Variants in FAM47E observed in about 807,000 individuals in gnomAD.
FAM47E encodes the protein family with sequence similarity 47 member E, also known as protein FAM47E.
FAM47E carries 32 observed loss-of-function variants against 41.6 expected under a neutral mutation model. That is an observed-to-expected ratio of 0.77 (90% CI 0.58 to 1.03). The LOEUF is 1.03. Ranked by LOEUF, FAM47E falls within the 50% of genes least tolerant of loss-of-function variation. FAM47E has a pLI of 0.00. For synonymous variants in FAM47E, 184 were observed against 188.7 expected (o/e 0.98, Z 0.20); for missense variants, 424 against 485.4 (o/e 0.87, Z 1.19).
intron 2 of FAM47E, 106 bp downstream of exon 2, chr4:76,256,629 G>A: frequency 1.5e-6 from 2 of 1,332,280 alleles, no homozygotes; most frequent in South Asian, 3.1e-5. Flanking sequence ...TTTATAAGAG[G>A]AGTGATGAAT....
At chr4:76,268,910 C>A in intron 4 of FAM47E, 142 bp downstream of exon 4, 2 of 1,028,026 alleles carry the variant, frequency 1.9e-6, no homozygotes, top group South Asian at 1.8e-5. Flanking sequence ...GTCAAATCCT[C>A]AAAGTCGTAA....
At chr4:76,244,875 C>T (rs1733791867) in intron 2 of FAM47E, among the ~76,000 whole-genome samples, 1 of 152,088 alleles carries the variant, frequency 6.6e-6, no homozygotes, top group Non-Finnish European at 1.5e-5. Context: ...TCTCAGAATT[C>T]TTATAAGAGG....
intron 1 of FAM47E, 79 bp from the exon 2 acceptor site, chr4:76,256,099 T>A: frequency 6.9e-7 from 1 of 1,456,646 alleles, no homozygotes; most frequent in South Asian, 1.4e-5. Context: ...TACTACCTCC[T>A]TCTCCCACCC....
At chr4:76,273,119 T>TTGATA (rs1480573161) in intron 5 of FAM47E, among the ~76,000 whole-genome samples, 3 of 152,188 alleles carry the variant, frequency 2.0e-5, no homozygotes, top group Non-Finnish European at 4.4e-5. Flanking sequence ...ACTGCGTTTT[T>TTGATA]TGATATGATA....
At chr4:76,280,388 C>T in intron 7 of FAM47E, 47 bp downstream of exon 7, 1 of 1,115,406 alleles carries the variant, frequency 9.0e-7, no homozygotes, top group Non-Finnish European at 1.3e-6. Flanking sequence ...GGCTTCATGG[C>T]TCACAGTTGT....
intron 2 of FAM47E, among the ~76,000 whole-genome samples, chr4:76,245,472 A>G (rs1225986062): frequency 6.6e-6 from 1 of 152,138 alleles, no homozygotes; most frequent in African/African-American, 2.4e-5. Context: ...AGATGCCTCT[A>G]TAAATAGGAG....
chr4:76,265,997 C>G (rs556593696), intron 3 of FAM47E, among the ~76,000 whole-genome samples: 1 of 152,256 alleles, frequency 6.6e-6, no homozygotes, highest in Non-Finnish European at 1.5e-5. Context: ...CACCACTCCA[C>G]TGACCTGACC....
chr4:76,283,461 G>T lies in FAM47E; in HGVS notation c.*3G>T. 6.6e-7 allele frequency: 1 copy of T among 1,514,528 alleles called. No homozygotes were observed. The highest frequency in any genetic ancestry group is 9.0e-7 in the Non-Finnish European group (1 of 1,113,750). The allele number at this position is 1,514,528 out of a possible 1,614,324, so 93.8% of individuals were successfully genotyped here. ...CTATAAAACGAACTCAAGCATAGAA[G>T]AATCGTAGGAGAATGATTAGGCAGA... On this transcript the variant is annotated 3_prime_UTR_variant, in exon 8 of 8. Transcript: ENST00000424749.
Position 76,220,876 on chromosome 4 carries a change from A to C in FAM47E, c.81+3188A>C, listed in dbSNP as rs72858504. 3.9e-3 allele frequency among the ~76,000 whole-genome samples: 588 copies of C among 152,284 alleles called. 6 individuals are homozygous for C. The highest frequency in any genetic ancestry group is 0.014 in the African/African-American group (565 of 41,554). On this transcript the variant is annotated intron_variant, in intron 2 of 7. Transcript: ENST00000510197. ...TGTACAAGAATGCTTCCAGGTGCTCACCTGGGATCAGCTGGGACCACAGGG... is the reference window on the plus strand; with the variant it reads ...TGTACAAGAATGCTTCCAGGTGCTCCCCTGGGATCAGCTGGGACCACAGGG...
At chr4:76,244,280 T>C in intron 2 of FAM47E, among the ~76,000 whole-genome samples, 1 of 152,150 alleles carries the variant, frequency 6.6e-6, no homozygotes, top group East Asian at 1.9e-4. Flanking sequence ...CTGGGTCAAA[T>C]GGTATTTCTA....
At chr4:76,277,329 CA>C (rs1175852559) in intron 5 of FAM47E, among the ~76,000 whole-genome samples, 2 of 151,526 alleles carry the variant, frequency 1.3e-5, no homozygotes, top group African/African-American at 4.8e-5. Context: ...CTAAAAAATA[CA>C]AAAAAATTAG....
intron 2 of FAM47E, among the ~76,000 whole-genome samples, chr4:76,240,651 T>C (rs1213076428): frequency 2.6e-5 from 4 of 152,184 alleles, no homozygotes; most frequent in African/African-American, 9.6e-5. Flanking sequence ...TTCTTGTGCT[T>C]GCTCAAATCT....
chr4:76,271,540 CA>C (rs983775701), intron 4 of FAM47E, 27 bp from the exon 5 acceptor site: 2 of 1,550,492 alleles, frequency 1.3e-6, no homozygotes, highest in Admixed American at 3.9e-5. Context: ...CGATTGCCCT[CA>C]ATTCATGCAA....
Position 76,283,417 on chromosome 4 carries a change from C to A in FAM47E, c.1141C>A (p.Arg381Ser). ...ENMYIGKECK[R>S]ACNKTPIKRT... ...TATGTATATCGGGAAGGAATGTAAA[C>A]GTGCATGTAATAAGACTCCTATAAA... The change falls in exon 8 of 8, where the codon CGT becomes AGT. Residue 381 changes from arginine to serine, a missense_variant. Arg to Ser is a moderately radical substitution (Grantham distance 110). Transcript: ENST00000424749. 2 of 1,547,172 alleles carry A rather than the reference C, an allele frequency of 1.3e-6. No homozygotes were observed. Among genetic ancestry groups the A allele is most frequent in the South Asian group, 1.2e-5 (1 of 83,974 alleles).
chr4:76,253,572 G>T (rs1039415628), intron 1 of FAM47E, among the ~76,000 whole-genome samples: 4 of 152,196 alleles, frequency 2.6e-5, no homozygotes, highest in East Asian at 3.9e-4. Context: ...GAGGCCATGT[G>T]GGGGAGAGGA....
intron 1 of FAM47E, among the ~76,000 whole-genome samples, chr4:76,217,217 C>T (rs1349009194): frequency 6.6e-6 from 1 of 152,202 alleles, no homozygotes; most frequent in Non-Finnish European, 1.5e-5. Context: ...ACCCTGAACA[C>T]ACTCTGGAGG....
chr4:76,228,428 G>A (rs932515587), intron 2 of FAM47E, among the ~76,000 whole-genome samples: 3 of 151,404 alleles, frequency 2.0e-5, no homozygotes, highest in African/African-American at 7.3e-5. Context: ...ACAGCAAGCT[G>A]AGATTGTGCC....
chr4:76,256,432 C>T lies in FAM47E; in HGVS notation c.329C>T (p.Ala110Val). The change falls in exon 2 of 8, where the codon GCT (alanine) becomes GTT (valine). Residue 110 changes from alanine to valine, a missense_variant. Transcript: ENST00000424749. ...VLSKLSPAQQ[A>V]RKAFLEDVEA... ...TCCAAGCTCTCGCCAGCCCAGCAGG[C>T]TCGGAAGGCATTCCTGGAGGACGTG... 6.4e-7 allele frequency: 1 copy of T among 1,552,332 alleles called. No homozygotes were observed. The highest frequency in any genetic ancestry group is 8.7e-7 in the Non-Finnish European group (1 of 1,147,442).
chr4:76,243,053 C>T (rs576343961), intron 2 of FAM47E, among the ~76,000 whole-genome samples: 17 of 152,250 alleles, frequency 1.1e-4, no homozygotes, highest in South Asian at 4.1e-4. Flanking sequence ...TAGTAATGTA[C>T]CCCAGAGGGT....
Sources: allele counts gnomAD v4.1 joint callset (sites outside exome capture counted in the v4.1 genomes callset), GRCh38; gene constraint gnomAD v4.1.1; transcripts MANE v1.5; gene names NCBI Gene and HGNC (gene_info 2026-07-23, HGNC 2026-07-21).